Variants in PNKD observed in about 807,000 individuals in gnomAD.
PNKD encodes probable thioesterase PNKD.
A neutral mutation model predicts 45.3 loss-of-function variants in PNKD; 36 were observed. That is an observed-to-expected ratio of 0.80 (90% CI 0.61 to 1.05). PNKD has a LOEUF of 1.05. Among genes scored for constraint, PNKD ranks in the 50% least tolerant of loss-of-function variants. The pLI, the probability that PNKD is intolerant of heterozygous loss-of-function variation, is 0.00. For missense variants in PNKD, 511 were observed against 506.6 expected (o/e 1.01, Z -0.08); for synonymous variants, 197 against 210.1 (o/e 0.94, Z 0.54).
intron 2 of PNKD, among the ~76,000 whole-genome samples, chr2:218,293,443 C>A (rs1213511126): frequency 1.3e-5 from 2 of 152,260 alleles, no homozygotes; most frequent in South Asian, 2.1e-4. Flanking sequence ...CATTACCGAG[C>A]CTTGCCTGAG....
chr2:218,314,512 G>A (rs1292284870), intron 2 of PNKD, among the ~76,000 whole-genome samples: 1 of 151,904 alleles, frequency 6.6e-6, no homozygotes, highest in Non-Finnish European at 1.5e-5. Flanking sequence ...TACTTTGGGT[G>A]CAAGTTAGCC....
intron 2 of PNKD, among the ~76,000 whole-genome samples, chr2:218,317,494 G>A (rs1419911793): frequency 6.6e-6 from 1 of 152,232 alleles, no homozygotes; most frequent in Non-Finnish European, 1.5e-5. Context: ...AGGAGGGGTG[G>A]AAAGAAGTTT....
At chr2:218,273,793 A>T (rs1559497411) in intron 2 of PNKD, among the ~76,000 whole-genome samples, 1 of 151,872 alleles carries the variant, frequency 6.6e-6, no homozygotes, top group Non-Finnish European at 1.5e-5. Flanking sequence ...CCACCGCACC[A>T]GGCCCAGTTT....
Position 218,343,646 on chromosome 2 carries a change from C to G in PNKD, c.868+60C>G, listed in dbSNP as rs542232897. On this transcript the variant is annotated intron_variant, in intron 8 of 9. Transcript: ENST00000273077. ...CCCCACGCTCAGCCTGGGACAAGGG[C>G]CTTCCCACCCCCTCACTCCCCTAGA... The G allele has an allele frequency of 5.0e-5, 62 of 1,248,130 alleles. 1 individual carries two copies. The South Asian group carries it at 7.4e-4, about 15-fold the overall frequency. The allele number at this position is 1,248,130 out of a possible 1,614,324, so 77.3% of individuals were successfully genotyped here.
At chr2:218,317,743 A>G (rs2106268712) in intron 2 of PNKD, among the ~76,000 whole-genome samples, 1 of 152,306 alleles carries the variant, frequency 6.6e-6, no homozygotes, top group East Asian at 1.9e-4. Context: ...TCTGCAGGGT[A>G]CAGCAAAATG....
intron 2 of PNKD, among the ~76,000 whole-genome samples, chr2:218,319,371 C>CTTTTTTTTTTTTTTTTT (rs35553031): frequency 1.1e-4 from 9 of 80,212 alleles, no homozygotes; most frequent in South Asian, 5.0e-4. Flanking sequence ...TCTTGTTTGT[C>CTTTTTTTTTTTTTTTTT]TTTTTTTTTT....
intron 2 of PNKD, among the ~76,000 whole-genome samples, chr2:218,296,936 C>G (rs987780334): frequency 6.6e-6 from 1 of 152,186 alleles, no homozygotes; most frequent in Admixed American, 6.5e-5. Context: ...CCTTGGCCTC[C>G]CAAAGTGCTG....
At chr2:218,291,698 C>A (rs1174892205) in intron 2 of PNKD, among the ~76,000 whole-genome samples, 1 of 152,188 alleles carries the variant, frequency 6.6e-6, no homozygotes, top group Non-Finnish European at 1.5e-5. Flanking sequence ...CCACTGGTCC[C>A]TGGCTCCTGC....
chr2:218,317,396 T>C (rs1693844348), intron 2 of PNKD, among the ~76,000 whole-genome samples: 1 of 152,228 alleles, frequency 6.6e-6, no homozygotes, highest in African/African-American at 2.4e-5. Flanking sequence ...TTGTTGGAAT[T>C]ACCTGATGGC....
At chr2:218,300,641 G>A (rs1213273548) in intron 2 of PNKD, among the ~76,000 whole-genome samples, 1 of 151,828 alleles carries the variant, frequency 6.6e-6, no homozygotes, top group African/African-American at 2.4e-5. Flanking sequence ...CGTCTCCTGG[G>A]TTCAAGAGAT....
Position 218,340,236 on chromosome 2 carries a change from C to G in PNKD, c.465+95C>G, listed in dbSNP as rs976399682. 3 of 784,974 alleles carry G rather than the reference C, an allele frequency of 3.8e-6. No homozygotes were observed. The allele number at this position is 784,974 out of a possible 1,614,324, so 48.6% of individuals were successfully genotyped here. A position where few individuals can be genotyped will look rare whatever the true frequency, so the allele number is the denominator to read the frequency against. ...GAGGGCTGACCCTTGTCCGTCTGCCCGTGGGATGTGTCCCATATGCTCCAT... is the reference window on the plus strand; with the variant it reads ...GAGGGCTGACCCTTGTCCGTCTGCCGGTGGGATGTGTCCCATATGCTCCAT... On this transcript the variant is annotated intron_variant, in intron 4 of 9. Coordinates refer to ENST00000273077, the MANE Select transcript of PNKD (RefSeq NM_015488.5). The surrounding 1 kb of genome is among the most constrained non-coding windows in gnomAD (Gnocchi z 4.2).
intron 2 of PNKD, among the ~76,000 whole-genome samples, chr2:218,337,203 TA>T (rs905471557): frequency 1.3e-5 from 2 of 151,920 alleles, no homozygotes; most frequent in Non-Finnish European, 2.9e-5. Context: ...GCCTCCCAAG[TA>T]GCTAGGATTA....
intron 9 of PNKD, 83 bp from the exon 10 acceptor site, chr2:218,344,725 G>A: frequency 2.7e-6 from 4 of 1,471,670 alleles, no homozygotes; most frequent in Non-Finnish European, 3.8e-6. Context: ...ACTCCAGGAT[G>A]GGGCAGGGGT....
At chr2:218,308,476 C>G (rs777487213) in intron 2 of PNKD, among the ~76,000 whole-genome samples, 1 of 151,866 alleles carries the variant, frequency 6.6e-6, no homozygotes, top group Non-Finnish European at 1.5e-5. Context: ...CACGAGCCAC[C>G]GTGCCCAGCC....
chr2:218,302,475 A>C (rs1693296460), intron 2 of PNKD, among the ~76,000 whole-genome samples: 1 of 152,210 alleles, frequency 6.6e-6, no homozygotes, highest in Admixed American at 6.5e-5. Flanking sequence ...CCTTCTAAGC[A>C]GAAGGATCAA....
intron 2 of PNKD, chr2:218,275,670 G>A (rs776793617): frequency 6.3e-7 from 1 of 1,580,668 alleles, no homozygotes. Flanking sequence ...TCAGTGTCCA[G>A]AGCTCATTTT....
intron 2 of PNKD, among the ~76,000 whole-genome samples, chr2:218,333,713 T>A (rs927469871): frequency 6.6e-6 from 1 of 152,134 alleles, no homozygotes; most frequent in African/African-American, 2.4e-5. Flanking sequence ...CTCTGTTCTT[T>A]CCATAAGCCC....
At position 218,318,931 on chromosome 2, in the gene PNKD, A is replaced by ATCTTT. The variant is rs1350280482; in HGVS notation, c.237-20845_237-20841dup. ...ACTTTACATATAGTAAAGTGCACAA[A>ATCTTT]TCTTTTCTTTTTTTTTTTCTTTTTT... On this transcript the variant is annotated intron_variant, in intron 2 of 9. Transcript: ENST00000273077. Among the ~76,000 whole-genome samples the ATCTTT allele has an allele frequency of 1.8e-4, 26 of 145,506 alleles. 1 individual carries two copies. Among genetic ancestry groups the ATCTTT allele is most frequent in the Non-Finnish European group, 3.6e-4 (24 of 66,212 alleles).
At chr2:218,280,398 G>C (rs1026278528) in intron 2 of PNKD, 3 of 395,490 alleles carry the variant, frequency 7.6e-6, no homozygotes, top group African/African-American at 2.1e-5. Context: ...TTCACTGGGG[G>C]GTCACGATGT....
Sources: allele counts gnomAD v4.1 joint callset (sites outside exome capture counted in the v4.1 genomes callset), GRCh38; gene constraint gnomAD v4.1.1; non-coding constraint Gnocchi (gnomAD v3.1); transcripts MANE v1.5; gene names NCBI Gene and HGNC (gene_info 2026-07-23, HGNC 2026-07-21).